The following SRBD1 variants were observed in gnomAD, a reference collection of about 807,000 sequenced individuals.
SRBD1 encodes S1 RNA-binding domain-containing protein 1.
Under a neutral mutation model 115.3 loss-of-function variants are expected in SRBD1, and 88 were observed. That is an observed-to-expected ratio of 0.76 (90% CI 0.64 to 0.91). The LOEUF is 0.91. Ranked by LOEUF, SRBD1 falls within the 40% of genes least tolerant of loss-of-function variation. The pLI, the probability that SRBD1 is intolerant of heterozygous loss-of-function variation, is 0.00. For missense variants in SRBD1, 1,385 were observed against 1,177.4 expected, an observed-to-expected ratio of 1.18 and a Z score of -2.58; for synonymous variants, 509 against 407.7, an observed-to-expected ratio of 1.25 and a Z score of -2.99.
At chr2:45,577,453 A>T (rs558545991) in intron 7 of SRBD1, among the ~76,000 whole-genome samples, 1 of 152,334 alleles carries the variant, frequency 6.6e-6, no homozygotes, top group East Asian at 1.9e-4. Context: ...CACACCTGTA[A>T]ACAAAAACCG....
At chr2:45,601,769 G>A in intron 3 of SRBD1, 134 bp downstream of exon 3, 5 of 1,178,440 alleles carry the variant, frequency 4.2e-6, no homozygotes, top group Non-Finnish European at 4.8e-6. Context: ...CAAAAATTAA[G>A]ACCCAGGGTA....
At chr2:45,458,992 G>A (rs1184489368) in intron 16 of SRBD1, among the ~76,000 whole-genome samples, 1 of 151,952 alleles carries the variant, frequency 6.6e-6, no homozygotes, top group Non-Finnish European at 1.5e-5. Flanking sequence ...GGAAAGGCAG[G>A]CTGTCAACAA....
At chr2:45,424,224 A>G (rs1668087302) in intron 16 of SRBD1, among the ~76,000 whole-genome samples, 1 of 152,116 alleles carries the variant, frequency 6.6e-6, no homozygotes, top group African/African-American at 2.4e-5. Context: ...TAGTTGCCTC[A>G]TACTTTGTGC....
At chr2:45,541,407 T>C (rs1157786352) in intron 14 of SRBD1, among the ~76,000 whole-genome samples, 2 of 152,204 alleles carry the variant, frequency 1.3e-5, no homozygotes, top group African/African-American at 4.8e-5. Flanking sequence ...CAGGAGGGCA[T>C]GTTTCAGCCC....
chr2:45,451,523 T>G (rs1343692308), intron 16 of SRBD1, among the ~76,000 whole-genome samples: 1 of 152,024 alleles, frequency 6.6e-6, no homozygotes, highest in East Asian at 1.9e-4. Context: ...ATAGCATTCA[T>G]GAGATACACA....
chr2:45,434,192 T>C (rs558935426), intron 16 of SRBD1, among the ~76,000 whole-genome samples: 37 of 152,358 alleles, frequency 2.4e-4, no homozygotes, highest in African/African-American at 7.9e-4. Flanking sequence ...GGGACAATGA[T>C]TGTCTTATTT....
intron 9 of SRBD1, among the ~76,000 whole-genome samples, chr2:45,571,476 A>G (rs1394469077): frequency 6.9e-6 from 1 of 145,784 alleles, no homozygotes; most frequent in African/African-American, 2.6e-5. Flanking sequence ...TCTGATTTCC[A>G]GAGTTACCAA....
chr2:45,425,943 G>A (rs756764016), intron 16 of SRBD1, among the ~76,000 whole-genome samples: 77 of 152,160 alleles, frequency 5.1e-4, no homozygotes, highest in Non-Finnish European at 4.0e-4. Flanking sequence ...CACTGAGCTA[G>A]CTGCAGGAGT....
At chr2:45,609,124 CTTCA>C (rs1674366088) in intron 1 of SRBD1, among the ~76,000 whole-genome samples, 1 of 152,102 alleles carries the variant, frequency 6.6e-6, no homozygotes, top group Non-Finnish European at 1.5e-5. Flanking sequence ...TCTTTAACAG[CTTCA>C]TTGACATATA....
intron 11 of SRBD1, among the ~76,000 whole-genome samples, chr2:45,551,612 G>A (rs1672303664): frequency 6.6e-6 from 1 of 152,134 alleles, no homozygotes; most frequent in Admixed American, 6.6e-5. Context: ...TGTCACATGG[G>A]ATGCAAACAA....
rs1669150656 is a variant in SRBD1, at chr2:45,456,284, T to C, written c.2049+20709A>G. Among the ~76,000 whole-genome samples the C allele has an allele frequency of 2.6e-5, 4 of 151,984 alleles. No individual in the cohort carries two copies. The South Asian group carries it at 8.3e-4, about 32-fold the overall frequency. ...ATTCTATGTTTTAAGATGACCTTGA[T>C]AGAAATTTTTCTGCTGACCGAGGTG... On this transcript the variant is annotated intron_variant, in intron 16 of 20. Transcript: ENST00000263736.
intron 14 of SRBD1, among the ~76,000 whole-genome samples, chr2:45,526,904 G>T (rs1189273701): frequency 6.6e-6 from 1 of 151,786 alleles, no homozygotes; most frequent in Non-Finnish European, 1.5e-5. Flanking sequence ...CTACGGAGGG[G>T]AAGACAAGAG....
chr2:45,545,431 C>T (rs1235393560), intron 14 of SRBD1, among the ~76,000 whole-genome samples: 2 of 150,484 alleles, frequency 1.3e-5, no homozygotes, highest in Non-Finnish European at 2.9e-5. Context: ...AAACTGAAGA[C>T]ATCTTCACTA....
intron 14 of SRBD1, among the ~76,000 whole-genome samples, chr2:45,544,783 C>A (rs757702586): frequency 2.9e-4 from 44 of 152,046 alleles, no homozygotes; most frequent in Non-Finnish European, 5.3e-4. Context: ...AATAAAAGTA[C>A]GTATATAAAC....
chr2:45,546,328 G>C (rs1672117914), intron 14 of SRBD1: 1 of 985,330 alleles, frequency 1.0e-6, no homozygotes, highest in African/African-American at 1.7e-5. Flanking sequence ...TTGGCTCTCA[G>C]TTCTGAAGGG....
chr2:45,413,797 G>A (rs1667676914), intron 18 of SRBD1, among the ~76,000 whole-genome samples: 1 of 151,952 alleles, frequency 6.6e-6, no homozygotes, highest in Non-Finnish European at 1.5e-5. Flanking sequence ...GTGTGGTGGT[G>A]CATGCCTGCC....
chr2:45,458,837 AG>A (rs1235220348), intron 16 of SRBD1, among the ~76,000 whole-genome samples: 3 of 152,168 alleles, frequency 2.0e-5, no homozygotes, highest in Non-Finnish European at 4.4e-5. Flanking sequence ...TTCATATTTC[AG>A]TAGAATGACT....
At chr2:45,460,051 A>G (rs1669267933) in intron 16 of SRBD1, among the ~76,000 whole-genome samples, 1 of 152,076 alleles carries the variant, frequency 6.6e-6, no homozygotes, top group South Asian at 2.1e-4. Context: ...TAGAGTCCAA[A>G]TTTCCTTTTA....
At chr2:45,583,652 AT>A in intron 5 of SRBD1, among the ~76,000 whole-genome samples, 1 of 152,320 alleles carries the variant, frequency 6.6e-6, no homozygotes. Flanking sequence ...GACTTATTAA[AT>A]TGGTTTTACT....
Sources: gnomAD v4.1 joint callset for allele counts (sites outside exome capture counted in the v4.1 genomes callset) on GRCh38, gnomAD v4.1.1 for gene constraint, MANE v1.5 for transcripts, NCBI Gene and HGNC (gene_info 2026-07-23, HGNC 2026-07-21) for gene names.